SPTAN1: variants seen among roughly 807,000 people sequenced by gnomAD.
SPTAN1 encodes spectrin alpha chain, non-erythrocytic 1.
Under a neutral mutation model 331.3 loss-of-function variants are expected in SPTAN1, and 61 were observed. The observed-to-expected ratio is 0.18, with a 90% CI of 0.15 to 0.23. SPTAN1 has a LOEUF of 0.23. SPTAN1 is among the 10% of genes least tolerant of loss of function. The pLI, the probability that SPTAN1 is intolerant of heterozygous loss-of-function variation, is 1.00. For missense variants in SPTAN1, 2,043 were observed against 3,147.9 expected, an observed-to-expected ratio of 0.65 and a Z score of 8.40; for synonymous variants, 1,153 against 1,173.9, an observed-to-expected ratio of 0.98 and a Z score of 0.36.
rs374583857 is a variant in SPTAN1, at chr9:128,578,063, C to A, written c.1086-47C>A. Reference sequence around the variant, plus strand: ...AGCTTTAGGGAGGCCATTTTCCACCCTGGAACCTCCGCTGGAAACATAATG... The same window carrying A: ...AGCTTTAGGGAGGCCATTTTCCACCATGGAACCTCCGCTGGAAACATAATG... On this transcript the variant is annotated intron_variant, in intron 8 of 56. Transcript: ENST00000372739. 3.1e-6 allele frequency: 5 copies of A among 1,613,010 alleles called. No homozygotes were observed. The African/African-American group carries it at 6.7e-5, about 22-fold the overall frequency.
chr9:128,567,670 T>C (rs560664312), intron 2 of SPTAN1, among the ~76,000 whole-genome samples: 1 of 152,346 alleles, frequency 6.6e-6, no homozygotes, highest in East Asian at 1.9e-4. Flanking sequence ...TATCAAAGAA[T>C]AAGTACTTAA....
At chr9:128,558,182 C>T (rs1848878761) in intron 1 of SPTAN1, among the ~76,000 whole-genome samples, 1 of 152,162 alleles carries the variant, frequency 6.6e-6, no homozygotes, top group African/African-American at 2.4e-5. Flanking sequence ...TGTAAGAATG[C>T]TGACAAGTTC....
chr9:128,625,850 G>A lies in SPTAN1; in HGVS notation c.6151G>A (p.Ala2051Thr), dbSNP rs777950008. Residue 2051 changes from alanine (A) to threonine (T), a missense_variant, in exon 48 of 57, where the codon GCC becomes ACC. Ala to Thr is a moderately conservative substitution (Grantham distance 58, BLOSUM62 0). This residue lies in a region of SPTAN1 where 256 missense variants were observed against 376.4 expected (regional missense o/e 0.68). Coordinates refer to ENST00000372739, the MANE Select transcript of SPTAN1 (RefSeq NM_001130438.3). This position sits in a 1 kb window ranked among gnomAD's most constrained non-coding sequence, Gnocchi z 4.1. ...ITALKDQLLA[A>T]KHVQSKAIEA... ...TGCCCTCAAAGATCAGCTTCTCGCC[G>A]CCAAACACGTTCAGTCCAAGGCCAT... The A allele has an allele frequency of 1.2e-5, 19 of 1,614,040 alleles. No homozygotes were observed. Among genetic ancestry groups the A allele is most frequent in the East Asian group, 8.9e-5 (4 of 44,884 alleles).
intron 40 of SPTAN1, among the ~76,000 whole-genome samples, chr9:128,613,950 A>G (rs544291305): frequency 2.6e-5 from 4 of 151,968 alleles, no homozygotes; most frequent in Admixed American, 6.6e-5. Flanking sequence ...GGTTGCGGTA[A>G]GCCAAGATCG....
chr9:128,619,184 C>T (rs1857546950), intron 44 of SPTAN1, among the ~76,000 whole-genome samples, 181 bp downstream of exon 44: 1 of 152,214 alleles, frequency 6.6e-6, no homozygotes, highest in Admixed American at 6.5e-5. Flanking sequence ...CATCACCCTT[C>T]AGTAAACAAA....
At chr9:128,598,772 G>A (rs1854653246) in intron 25 of SPTAN1, 191 bp from the exon 26 acceptor site, 1 of 655,586 alleles carries the variant, frequency 1.5e-6, no homozygotes, top group Non-Finnish European at 2.7e-6. Context: ...ATTAACTAAT[G>A]GTAATTTCAT....
chr9:128,633,468 G>A lies in SPTAN1; in HGVS notation c.*134G>A. On this transcript the variant is annotated 3_prime_UTR_variant, in exon 57 of 57. Transcript: ENST00000372739. ...TTGGAATAAGACTTAGGAGAAAATG[G>A]TGCTTCACTAACCCGCTTCCGGTCC... The A allele has an allele frequency of 6.8e-7, 1 of 1,468,052 alleles. No homozygotes were observed. Among genetic ancestry groups the A allele is most frequent in the Non-Finnish European group, 9.4e-7 (1 of 1,064,080 alleles). 90.9% of individuals were successfully genotyped at this position (1,468,052 alleles called of 1,614,324 possible). A position where few individuals can be genotyped will look rare whatever the true frequency, so the allele number is the denominator to read the frequency against.
chr9:128,586,122 T>C (rs572811873), intron 19 of SPTAN1, among the ~76,000 whole-genome samples, 157 bp downstream of exon 19: 4 of 134,464 alleles, frequency 3.0e-5, no homozygotes, highest in South Asian at 2.5e-4. Flanking sequence ...GTTTTTTTTT[T>C]TTTTTTTTTT....
chr9:128,600,206 G>C (rs763723561), intron 27 of SPTAN1, 91 bp downstream of exon 27: 50 of 1,410,640 alleles, frequency 3.5e-5, no homozygotes, highest in Non-Finnish European at 4.9e-5. Flanking sequence ...TGAATATTCA[G>C]CTTAAGTCTT....
In SPTAN1 at chr9:128,584,321, C is replaced by A. The variant is rs769094437; in HGVS notation, c.2233C>A (p.Gln745Lys). Residue 745 changes from glutamine to lysine, a missense_variant, in exon 17 of 57, where the codon CAA becomes AAA. By Grantham distance (53) the Gln-to-Lys change is moderately conservative (BLOSUM62 1). This residue lies in a region of SPTAN1 where 1,038 missense variants were observed against 1,531.5 expected (regional missense o/e 0.68). Transcript: ENST00000372739. ...DGITIQARQF[Q>K]DAGHFDAENI... ...CATCACCATTCAGGCCCGCCAGTTC[C>A]AAGATGCTGGCCATTTTGATGCAGA... 1.1e-4 allele frequency: 183 copies of A among 1,614,074 alleles called. No individual in the cohort carries two copies. In the Admixed American group the frequency reaches 3.1e-3, roughly 27 times the overall value.
At chr9:128,587,931 C>T (rs893285135) in intron 20 of SPTAN1, among the ~76,000 whole-genome samples, 1 of 151,966 alleles carries the variant, frequency 6.6e-6, no homozygotes, top group Non-Finnish European at 1.5e-5. Context: ...CTGCAACCTC[C>T]GCCTCCTGGG....
At chr9:128,615,932 AC>A in intron 41 of SPTAN1, 92 bp downstream of exon 41, 1 of 1,376,540 alleles carries the variant, frequency 7.3e-7, no homozygotes, top group South Asian at 1.2e-5. Flanking sequence ...GAGGCTGGAA[AC>A]CCTGCTGGAC....
At chr9:128,562,992 GTATATATATATATATA>G (rs1168781290) in intron 1 of SPTAN1, among the ~76,000 whole-genome samples, 3 of 3,114 alleles carry the variant, frequency 9.6e-4, no homozygotes, top group African/African-American at 1.2e-3. Context: ...ACATGTATGT[GTATATATATATATATA>G]TATATATATA....
chr9:128,592,626 C>T (rs1220715097), intron 22 of SPTAN1, among the ~76,000 whole-genome samples: 1 of 152,156 alleles, frequency 6.6e-6, no homozygotes, highest in Non-Finnish European at 1.5e-5. Flanking sequence ...GGAAAAAGAT[C>T]AAATACGTGG....
chr9:128,609,077 C>A lies in SPTAN1; in HGVS notation c.4596-45C>A, dbSNP rs541729297. The A allele has an allele frequency of 2.5e-6, 4 of 1,614,034 alleles. No homozygotes were observed. In the African/African-American group the frequency reaches 5.3e-5, roughly 22 times the overall value. ...TTCTGTCTCCCCACTTCCTTCTCCA[C>A]GGTAAGATATGCTCATGTTGGATCT... is the stretch of plus-strand genomic sequence containing the variant. On this transcript the variant is annotated intron_variant, in intron 35 of 56. Transcript: ENST00000372739.
chr9:128,606,645 G>A (rs1285589760), intron 31 of SPTAN1, among the ~76,000 whole-genome samples: 1 of 151,576 alleles, frequency 6.6e-6, no homozygotes, highest in African/African-American at 2.4e-5. Flanking sequence ...CACCAAGCCC[G>A]GCTAATTTTG....
chr9:128,566,593 A>G, intron 1 of SPTAN1, 145 bp from the exon 2 acceptor site: 1 of 1,245,864 alleles, frequency 8.0e-7, no homozygotes, highest in Non-Finnish European at 1.1e-6. Context: ...TCTGGGCTTC[A>G]TTGTTCCTAA....
chr9:128,588,721 C>G (rs1005090839), intron 20 of SPTAN1, 88 bp from the exon 21 acceptor site: 1 of 1,566,796 alleles, frequency 6.4e-7, no homozygotes, highest in African/African-American at 1.4e-5. Flanking sequence ...ACATTTGGTA[C>G]AGCTGGTGGC....
At chr9:128,557,307 G>A (rs1158570193) in intron 1 of SPTAN1, among the ~76,000 whole-genome samples, 1 of 152,182 alleles carries the variant, frequency 6.6e-6, no homozygotes, top group Non-Finnish European at 1.5e-5. Context: ...CCAATGCTTT[G>A]TTTTTAATAG....
Sources: gnomAD v4.1 joint callset for allele counts (sites outside exome capture counted in the v4.1 genomes callset) on GRCh38, gnomAD v4.1.1 for gene constraint, gnomAD v4.1.1 regional missense constraint, Gnocchi (gnomAD v3.1) non-coding constraint, MANE v1.5 for transcripts, NCBI Gene and HGNC (gene_info 2026-07-23, HGNC 2026-07-21) for gene names.